The following NIBAN3 variants were observed in gnomAD, a reference collection of about 807,000 sequenced individuals.
The protein encoded by NIBAN3 is protein Niban 3.
A neutral mutation model predicts 76.4 loss-of-function variants in NIBAN3; 66 were observed. The ratio of observed to expected loss-of-function variants is 0.86; its 90% CI spans 0.71 to 1.06. The LOEUF is 1.06. Among genes scored for constraint, NIBAN3 ranks in the 50% least tolerant of loss-of-function variants. NIBAN3 has a pLI of 0.00. For missense variants in NIBAN3, 808 were observed against 810.7 expected (o/e 1.00, Z 0.04); for synonymous variants, 360 against 355.2 (o/e 1.01, Z -0.15).
chr19:17,546,571 CCCCGCCCCCCAA>C, intron 12 of NIBAN3, 103 bp from the exon 13 acceptor site: 2 of 1,299,622 alleles, frequency 1.5e-6, no homozygotes, highest in South Asian at 2.4e-5. Context: ...AAGGCCCAAG[CCCCGCCCCCCAA>C]CCCCACAGCT....
At chr19:17,543,241 G>A in intron 10 of NIBAN3, 76 bp from the exon 11 acceptor site, 1 of 916,832 alleles carries the variant, frequency 1.1e-6, no homozygotes, top group Non-Finnish European at 1.7e-6. Context: ...TGCTGAGAAG[G>A]GGTCAGCTGG....
At position 17,551,900 on chromosome 19, in the gene NIBAN3, T is replaced by A. The variant is rs1568467245; in HGVS notation, c.*2T>A. On this transcript the variant is annotated 3_prime_UTR_variant, in exon 15 of 15. Transcript: ENST00000599164. The stretch of plus-strand genomic sequence containing the variant: ...TCTCCAGGAACATTCCGGAGCTGAA[T>A]CTTCACCCACATCTATCTTGTTTCT... 4 of 776,918 alleles carry A rather than the reference T, an allele frequency of 5.1e-6. No homozygotes were observed. Among genetic ancestry groups the A allele is most frequent in the Admixed American group, 3.4e-5 (2 of 58,900 alleles). The allele number at this position is 776,918 out of a possible 1,614,324, so 48.1% of individuals were successfully genotyped here.
In NIBAN3 at chr19:17,546,778, G is replaced by A. The variant is rs140969272; in HGVS notation, c.1647G>A (p.Leu549=). 2 of 1,600,898 alleles carry A rather than the reference G, an allele frequency of 1.2e-6. No individual in the cohort carries two copies. The highest frequency in any genetic ancestry group is 1.1e-5 in the South Asian group (1 of 88,400). The part of the protein sequence containing the change: ...GIYEDVIRGC[L]LQRIDQELKK... ...ATGAGGACGTCATCCGGGGGTGCTT[G>A]CTGCAGAGGATTGACCAAGGTGAGT... The change falls in exon 13 of 15, where the codon TTG becomes TTA. Residue 549 remains leucine (L), a synonymous_variant. Transcript: ENST00000599164.
upstream of NIBAN3, among the ~76,000 whole-genome samples, chr19:17,524,032 G>T (rs1279017379): frequency 6.6e-6 from 1 of 151,964 alleles, no homozygotes; most frequent in Non-Finnish European, 1.5e-5. Flanking sequence ...GGTTCTACAG[G>T]CACCCACCAC....
intron 4 of NIBAN3, among the ~76,000 whole-genome samples, chr19:17,535,452 TTAAATAAA>T (rs61685140): frequency 2.0e-5 from 3 of 151,366 alleles, no homozygotes; most frequent in Non-Finnish European, 4.4e-5. Context: ...CTGTCTCTAT[TTAAATAAA>T]TAAATAAATA....
At position 17,540,521 on chromosome 19, in the gene NIBAN3, G is replaced by T. The variant is rs754486011; in HGVS notation, c.1109G>T (p.Gly370Val). The part of the protein sequence containing the change: ...LEAVRTLLAQ[G>V]MDRLSHRLRQ... ...GCGGTGCGGACCCTCCTGGCTCAAG[G>T]CATGGACCGACTGTCCCACCGCCTG... Residue 370 changes from glycine to valine, a missense_variant, in exon 9 of 15, where the codon GGC becomes GTC. Physicochemically the swap from Gly to Val is moderately radical, Grantham distance 109. Transcript: ENST00000599164. The T allele has an allele frequency of 2.5e-6, 4 of 1,588,780 alleles. No individual in the cohort carries two copies. The African/African-American group carries it at 5.5e-5, about 22-fold the overall frequency.
At position 17,552,913 on chromosome 19, in the gene NIBAN3, A is replaced by AAAATAAATAAATAAAT. The variant is rs144336751; in HGVS notation, c.*1043_*1058dup. 1.4e-5 allele frequency: 2 copies of AAAATAAATAAATAAAT among 144,798 alleles called. No homozygotes were observed. Among genetic ancestry groups the AAAATAAATAAATAAAT allele is most frequent in the Non-Finnish European group, 3.0e-5 (2 of 66,652 alleles). The allele number at this position is 144,798 out of a possible 1,614,324, so 9.0% of individuals were successfully genotyped here. A position where few individuals can be genotyped will look rare whatever the true frequency, so the allele number is the denominator to read the frequency against. ...GTGAAACCTGTCTCTACTAAAAAAT[A>AAAATAAATAAATAAAT]AAATAAATAAATAAATAAATAAATA... On this transcript the variant is annotated 3_prime_UTR_variant, in exon 15 of 15. Transcript: ENST00000599164.
At chr19:17,532,018 G>A (rs940218663) in intron 2 of NIBAN3, among the ~76,000 whole-genome samples, 9 of 152,206 alleles carry the variant, frequency 5.9e-5, no homozygotes, top group Admixed American at 1.3e-4. Context: ...TTGGTCCCAC[G>A]CTCCAGTTGG....
chr19:17,540,408 G>T lies in NIBAN3; in HGVS notation c.996G>T (p.Pro332=), dbSNP rs2075924361. The T allele has an allele frequency of 6.6e-7, 1 of 1,506,928 alleles. No homozygotes were observed. Among genetic ancestry groups the T allele is most frequent in the Non-Finnish European group, 8.9e-7 (1 of 1,124,306 alleles). 93.3% of individuals were successfully genotyped at this position (1,506,928 alleles called of 1,614,324 possible). A position where few individuals can be genotyped will look rare whatever the true frequency, so the allele number is the denominator to read the frequency against. ...CACTCCCAGCGGATATCAGGGGACC[G>T]CTCGAGTCGTGCCTGCGCCGGGAGG... ...AGRLRTDIRG[P]LESCLRREVD... The change falls in exon 9 of 15, where the codon CCG becomes CCT. Residue 332 remains proline (P), a synonymous_variant. Transcript: ENST00000599164.
Position 17,552,415 on chromosome 19 carries a change from G to T in NIBAN3, c.*517G>T, listed in dbSNP as rs7260591. 1 of 150,896 alleles carries T rather than the reference G, an allele frequency of 6.6e-6. No individual in the cohort carries two copies. Among genetic ancestry groups the T allele is most frequent in the Admixed American group, 6.7e-5 (1 of 14,930 alleles). 9.3% of individuals were successfully genotyped at this position (150,896 alleles called of 1,614,324 possible). On this transcript the variant is annotated 3_prime_UTR_variant, in exon 15 of 15. Coordinates refer to ENST00000599164, the MANE Select transcript of NIBAN3 (RefSeq NM_001321827.2). ...TTTTAAATAATAGAGACAAGGTCTC[G>T]CTATGCTGCCCAGGCTGATCTCAAA...
chr19:17,528,153 G>A (rs369343659), intron 1 of NIBAN3, among the ~76,000 whole-genome samples: 7 of 151,376 alleles, frequency 4.6e-5, no homozygotes, highest in South Asian at 2.1e-4. Context: ...GTGCAGTGGC[G>A]CAATCTTGGC....
chr19:17,536,541 A>G (rs912949090), intron 4 of NIBAN3, among the ~76,000 whole-genome samples: 1 of 152,116 alleles, frequency 6.6e-6, no homozygotes, highest in East Asian at 1.9e-4. Context: ...AAAGTGGAAC[A>G]AAACACTGGA....
chr19:17,543,253 C>A (rs1568458349), intron 10 of NIBAN3, 64 bp from the exon 11 acceptor site: 2 of 1,096,872 alleles, frequency 1.8e-6, no homozygotes, highest in Non-Finnish European at 2.6e-6. Flanking sequence ...GTCAGCTGGG[C>A]AGGAGTGGGG....
At chr19:17,528,462 T>C (rs747971375) in intron 1 of NIBAN3, among the ~76,000 whole-genome samples, 6 of 152,074 alleles carry the variant, frequency 3.9e-5, no homozygotes, top group African/African-American at 7.2e-5. Context: ...GTGGGAGGCA[T>C]AGGGCCAAGT....
chr19:17,537,278 G>T, intron 4 of NIBAN3, 98 bp from the exon 5 acceptor site: 4 of 1,209,974 alleles, frequency 3.3e-6, no homozygotes, highest in Non-Finnish European at 3.6e-6. Context: ...CATATTTATC[G>T]AGCAACTGCC....
At chr19:17,547,889 A>T (rs1020144951) in intron 13 of NIBAN3, among the ~76,000 whole-genome samples, 1 of 151,860 alleles carries the variant, frequency 6.6e-6, no homozygotes, top group Non-Finnish European at 1.5e-5. Flanking sequence ...CTGGTCTCGA[A>T]CTCATGACCT....
intron 3 of NIBAN3, 167 bp from the exon 4 acceptor site, chr19:17,533,415 CAAAAA>C (rs66723561): frequency 2.7e-4 from 116 of 429,446 alleles, no homozygotes; most frequent in Admixed American, 3.5e-4. Context: ...GTCTCAAAAA[CAAAAA>C]AAAAAAAAAA....
At chr19:17,548,157 T>C (rs531348183) in intron 13 of NIBAN3, among the ~76,000 whole-genome samples, 45 of 152,174 alleles carry the variant, frequency 3.0e-4, no homozygotes, top group Non-Finnish European at 5.6e-4. Context: ...GATTAATTAA[T>C]GCCCATGATC....
chr19:17,528,531 C>G (rs1218265689), intron 1 of NIBAN3, among the ~76,000 whole-genome samples: 2 of 152,156 alleles, frequency 1.3e-5, no homozygotes, highest in African/African-American at 4.8e-5. Flanking sequence ...GGGCAGGGAC[C>G]AGCAGGCCCC....
Sources: gnomAD v4.1 joint callset for allele counts (sites outside exome capture counted in the v4.1 genomes callset) on GRCh38, gnomAD v4.1.1 for gene constraint, MANE v1.5 for transcripts, NCBI Gene and HGNC (gene_info 2026-07-23, HGNC 2026-07-21) for gene names.